Variants in RIMS2 observed in about 807,000 individuals in gnomAD.
RIMS2 encodes regulating synaptic membrane exocytosis protein 2.
A neutral mutation model predicts 174.4 loss-of-function variants in RIMS2; 59 were observed. That is an observed-to-expected ratio of 0.34 (90% CI 0.27 to 0.42). The LOEUF (loss-of-function observed/expected upper bound fraction) is 0.42, where lower values mean the gene tolerates loss of function less well. Among genes scored for constraint, RIMS2 ranks in the 10% least tolerant of loss-of-function variants. The pLI, the probability that RIMS2 is intolerant of heterozygous loss-of-function variation, is 1.00. For synonymous variants in RIMS2, 606 were observed against 572.5 expected, an observed-to-expected ratio of 1.06 and a Z score of -0.84; for missense variants, 1,620 against 1,666.3, an observed-to-expected ratio of 0.97 and a Z score of 0.48.
intron 19 of RIMS2, among the ~76,000 whole-genome samples, chr8:104,173,828 C>T (rs535928589): frequency 6.0e-5 from 9 of 151,096 alleles, no homozygotes; most frequent in African/African-American, 2.2e-4. Flanking sequence ...CGGGGTTTCA[C>T]AGTGTTAGCC....
intron 16 of RIMS2, 28 bp from the exon 19 acceptor site, chr8:103,989,277 A>G: frequency 7.8e-7 from 1 of 1,275,896 alleles, no homozygotes; most frequent in Non-Finnish European, 1.1e-6. Flanking sequence ...TGGTTTACTA[A>G]GATATTGAAT....
chr8:103,676,356 C>T (rs2096811871), intron 1 of RIMS2, among the ~76,000 whole-genome samples: 2 of 152,108 alleles, frequency 1.3e-5, no homozygotes, highest in Admixed American at 6.5e-5. Flanking sequence ...GGGTAGAGCC[C>T]CTTAAGGAAT....
chr8:103,931,284 G>T (rs759887658), exon 12 of RIMS2: 5 of 1,601,524 alleles, frequency 3.1e-6, no homozygotes, highest in Non-Finnish European at 4.3e-6. Context: ...GTTTGACAAG[G>T]TTGGTCACCA....
chr8:103,524,542 A>T (rs1833100192), intron 1 of RIMS2, among the ~76,000 whole-genome samples: 1 of 152,214 alleles, frequency 6.6e-6, no homozygotes, highest in South Asian at 2.1e-4. Context: ...GCAGGAAGAC[A>T]CTACTGCTCC....
intron 17 of RIMS2, among the ~76,000 whole-genome samples, chr8:103,991,595 A>G (rs1440747332): frequency 6.6e-6 from 1 of 152,086 alleles, no homozygotes; most frequent in African/African-American, 2.4e-5. Flanking sequence ...ATCAATAATA[A>G]TGTTGATTAA....
intron 19 of RIMS2, among the ~76,000 whole-genome samples, chr8:104,230,382 A>G (rs565897076): frequency 6.6e-6 from 1 of 152,276 alleles, no homozygotes; most frequent in East Asian, 1.9e-4. Flanking sequence ...GCGGTGGCTC[A>G]CGCTTATAAT....
intron 1 of RIMS2, among the ~76,000 whole-genome samples, chr8:103,608,065 A>G (rs1408028247): frequency 6.7e-6 from 1 of 149,626 alleles, no homozygotes; most frequent in Non-Finnish European, 1.5e-5. Flanking sequence ...CCTTTGGAGG[A>G]GGAGAGGCGC....
intron 2 of RIMS2, among the ~76,000 whole-genome samples, chr8:103,710,606 G>A (rs1439540362): frequency 3.3e-5 from 5 of 152,032 alleles, no homozygotes; most frequent in South Asian, 4.1e-4. Context: ...TATTTTAAGC[G>A]TCAGAGTGTG....
chr8:104,159,120 C>A (rs1378407889), intron 19 of RIMS2, among the ~76,000 whole-genome samples: 3 of 152,128 alleles, frequency 2.0e-5, no homozygotes, highest in African/African-American at 7.2e-5. Flanking sequence ...ATATGGCTAG[C>A]CAGTTTTCCC....
intron 1 of RIMS2, among the ~76,000 whole-genome samples, chr8:103,569,892 C>T (rs9987225): frequency 0.18 from 27,632 of 151,758 alleles, 2,760 homozygotes; most frequent in African/African-American, 0.26. Flanking sequence ...CTCAGCTTCC[C>T]GAGTTGCTGG....
intron 1 of RIMS2, among the ~76,000 whole-genome samples, chr8:103,693,897 C>T (rs145447269): frequency 1.2e-4 from 19 of 152,276 alleles, no homozygotes; most frequent in African/African-American, 4.6e-4. Context: ...GAGCCTGTGT[C>T]AGGAGGGGCT....
rs1158295536 is a variant in RIMS2, at chr8:104,066,124, T to A, written c.3334+51509T>A. 2.0e-5 allele frequency among the ~76,000 whole-genome samples: 3 copies of A among 152,194 alleles called. No homozygotes were observed. In the East Asian group the frequency reaches 5.8e-4, roughly 29 times the overall value. On this transcript the variant is annotated intron_variant, in intron 19 of 23. Coordinates refer to ENST00000504942, the Ensembl canonical transcript of RIMS2. ...AGCCACACTTATTATATATGCATTG[T>A]CTGCAGTTGCTTCCATGCTATGGTG...
rs568306566 is a variant in RIMS2 at position 103,612,251 on chromosome 8, A to G, written c.177-84835A>G. Among the ~76,000 whole-genome samples, 4 of 152,298 alleles carry G rather than the reference A, an allele frequency of 2.6e-5. No individual in the cohort carries two copies. The South Asian group carries it at 8.3e-4, about 32-fold the overall frequency. On this transcript the variant is annotated intron_variant, in intron 1 of 23. Transcript: ENST00000504942. ...AGCTATATTGAATTCTCTGTCTGAC[A>G]GGTCACATGTCTCTCTATTTTCAGG...
intron 2 of RIMS2, among the ~76,000 whole-genome samples, chr8:103,764,469 C>T (rs1439911032): frequency 2.0e-5 from 3 of 152,034 alleles, no homozygotes; most frequent in Non-Finnish European, 4.4e-5. Context: ...ATCTGTAGTA[C>T]CTGCGTTTGT....
intron 3 of RIMS2, among the ~76,000 whole-genome samples, chr8:103,802,428 C>T (rs564582420): frequency 2.0e-5 from 3 of 152,234 alleles, no homozygotes; most frequent in East Asian, 3.9e-4. Flanking sequence ...GCTGACTTCT[C>T]ACCCACCTTT....
chr8:103,672,567 G>A (rs1386967351), intron 1 of RIMS2, among the ~76,000 whole-genome samples: 1 of 151,734 alleles, frequency 6.6e-6, no homozygotes, highest in African/African-American at 2.4e-5. Flanking sequence ...GGATGGTGGG[G>A]AGAGGTGCCA....
At chr8:104,170,768 T>C (rs72685028) in intron 19 of RIMS2, among the ~76,000 whole-genome samples, 36,327 of 151,982 alleles carry the variant, frequency 0.24, 4,871 homozygotes, top group Non-Finnish European at 0.31. Context: ...ATTTATGATT[T>C]AAGGAAGTTC....
chr8:103,643,347 A>G (rs1032958318), intron 1 of RIMS2, among the ~76,000 whole-genome samples: 3 of 152,000 alleles, frequency 2.0e-5, no homozygotes, highest in African/African-American at 7.2e-5. Flanking sequence ...CTCTTAGTAT[A>G]TTAACCACAG....
intron 19 of RIMS2, among the ~76,000 whole-genome samples, chr8:104,227,103 A>T (rs2138957017): frequency 6.6e-6 from 1 of 152,244 alleles, no homozygotes; most frequent in Non-Finnish European, 1.5e-5. Context: ...CCAGATCATA[A>T]ATCTCAGTGA....
Sources: gnomAD v4.1 joint callset for allele counts (sites outside exome capture counted in the v4.1 genomes callset) on GRCh38, gnomAD v4.1.1 for gene constraint, MANE v1.5 for transcripts, NCBI Gene and HGNC (gene_info 2026-07-23, HGNC 2026-07-21) for gene names.